BCL7A: variants seen among roughly 807,000 people sequenced by gnomAD.
BCL7A encodes the protein BAF chromatin remodeling complex subunit BCL7A.
BCL7A carries 11 observed loss-of-function variants against 28.4 expected under a neutral mutation model. The observed-to-expected ratio is 0.39, with a 90% confidence interval of 0.24 to 0.64. The LOEUF is 0.64. Among genes scored for constraint, BCL7A ranks in the 30% least tolerant of loss-of-function variants. The pLI is 0.50. For missense variants in BCL7A, 222 were observed against 274.8 expected (o/e 0.81, Z 1.36); for synonymous variants, 123 against 103.3 (o/e 1.19, Z -1.15).
intron 5 of BCL7A, among the ~76,000 whole-genome samples, chr12:122,058,687 A>G (rs1951895067): frequency 6.6e-6 from 1 of 152,180 alleles, no homozygotes; most frequent in African/African-American, 2.4e-5. Flanking sequence ...TGGAAAGGTG[A>G]ACTTGAAACA....
At chr12:122,058,299 G>C (rs1432481397) in intron 5 of BCL7A, among the ~76,000 whole-genome samples, 2 of 152,230 alleles carry the variant, frequency 1.3e-5, no homozygotes, top group Admixed American at 1.3e-4. Context: ...GAGGTCAGGA[G>C]TTTGAGACCA....
chr12:122,059,501 A>G lies in BCL7A; in HGVS notation c.*338A>G, dbSNP rs1257635563. On this transcript the variant is annotated 3_prime_UTR_variant, in exon 6 of 6. Coordinates refer to ENST00000261822, the MANE Select transcript of BCL7A (RefSeq NM_001024808.3). This position sits in a 1 kb window ranked among gnomAD's most constrained non-coding sequence, Gnocchi z 4.0. ...ACTTCTCTATGTAACGATATAAGCT[A>G]TCGGAGGGTGGTACCGATCAGGAAC... 1 of 294,144 alleles carries G rather than the reference A, an allele frequency of 3.4e-6. No homozygotes were observed. Among genetic ancestry groups the G allele is most frequent in the Middle Eastern group, 9.7e-4 (1 of 1,030 alleles). The allele number at this position is 294,144 out of a possible 1,614,324, so 18.2% of individuals were successfully genotyped here. A position where few individuals can be genotyped will look rare whatever the true frequency, so the allele number is the denominator to read the frequency against.
At chr12:122,024,956 CT>C (rs1377559226) in intron 1 of BCL7A, among the ~76,000 whole-genome samples, 1 of 151,168 alleles carries the variant, frequency 6.6e-6, no homozygotes, top group African/African-American at 2.4e-5. Flanking sequence ...CCACTGTCCC[CT>C]GATGCTTCCC....
Position 122,021,931 on chromosome 12 carries a change from T to C in BCL7A, c.-161T>C, listed in dbSNP as rs1323745008. On this transcript the variant is annotated 5_prime_UTR_variant, in exon 1 of 6. The change abolishes an upstream ATG in the 5' untranslated region. Transcript: ENST00000261822. ...GCCCCGGGCTTTGTGTGTGTGTGTA[T>C]GTGTGTGTGTGTGTGTGTGTGTGTG... is the stretch of plus-strand genomic sequence containing the variant. 1.2e-5 allele frequency: 5 copies of C among 411,556 alleles called. No homozygotes were observed. Among genetic ancestry groups the C allele is most frequent in the Non-Finnish European group, 2.2e-5 (5 of 226,966 alleles). 25.5% of individuals were successfully genotyped at this position (411,556 alleles called of 1,614,324 possible).
At position 122,050,301 on chromosome 12, in the gene BCL7A, G is replaced by C. The variant is rs531930931; in HGVS notation, c.440-4504G>C. Among the ~76,000 whole-genome samples, 19 of 123,572 alleles carry C rather than the reference G, an allele frequency of 1.5e-4. 1 individual carries two copies. In the South Asian group the frequency reaches 4.4e-3, roughly 29 times the overall value. 81.1% of individuals were successfully genotyped at this position (123,572 alleles called of 152,430 possible). A position where few individuals can be genotyped will look rare whatever the true frequency, so the allele number is the denominator to read the frequency against. ...AGTCTTGGATCCTTCTTTATTGTGG[G>C]GGGGGGGCCATCCTGTGCATTGTGG... On this transcript the variant is annotated intron_variant, in intron 4 of 5. Coordinates refer to ENST00000261822, the MANE Select transcript of BCL7A (RefSeq NM_001024808.3).
At chr12:122,023,989 G>C (rs529714853) in intron 1 of BCL7A, among the ~76,000 whole-genome samples, 1 of 152,308 alleles carries the variant, frequency 6.6e-6, no homozygotes, top group African/African-American at 2.4e-5. Flanking sequence ...CTGGACAGAG[G>C]CTCCTGCACC....
At position 122,059,692 on chromosome 12, in the gene BCL7A, C is replaced by T. The variant is rs983614090; in HGVS notation, c.*529C>T. 75 of 232,926 alleles carry T rather than the reference C, an allele frequency of 3.2e-4. No homozygotes were observed. The highest frequency in any genetic ancestry group is 1.3e-3 in the Middle Eastern group (1 of 784). 14.4% of individuals were successfully genotyped at this position (232,926 alleles called of 1,614,324 possible). A position where few individuals can be genotyped will look rare whatever the true frequency, so the allele number is the denominator to read the frequency against. On this transcript the variant is annotated 3_prime_UTR_variant, in exon 6 of 6. Transcript: ENST00000261822. The surrounding 1 kb of genome is among the most constrained non-coding windows in gnomAD (Gnocchi z 4.0). ...GGGCGGCGGCTGCCACCCTACTCAC[C>T]GCTCTCCTCCCTGCCCCAGGACTTC...
chr12:122,040,096 G>A (rs186294180), intron 3 of BCL7A, among the ~76,000 whole-genome samples: 2 of 152,288 alleles, frequency 1.3e-5, no homozygotes, highest in Non-Finnish European at 2.9e-5. Flanking sequence ...TTACATCATT[G>A]CCTCATTTGA....
At chr12:122,024,028 C>G (rs1883548946) in intron 1 of BCL7A, among the ~76,000 whole-genome samples, 2 of 152,226 alleles carry the variant, frequency 1.3e-5, no homozygotes, top group Admixed American at 1.3e-4. Context: ...GAGCGGCCAG[C>G]TGCTCTGCAG....
chr12:122,030,837 C>A, intron 2 of BCL7A, 56 bp downstream of exon 2: 2 of 1,528,846 alleles, frequency 1.3e-6, no homozygotes, highest in Non-Finnish European at 9.1e-7. Flanking sequence ...CTCCTCCCAC[C>A]ATGGGGAGGG....
At chr12:122,027,925 G>T (rs10840641) in intron 1 of BCL7A, among the ~76,000 whole-genome samples, 59,972 of 152,038 alleles carry the variant, frequency 0.39, 13,152 homozygotes, top group Non-Finnish European at 0.51. Flanking sequence ...CTTTTTTGGG[G>T]AGGGGTATGT....
At chr12:122,045,064 GT>G (rs1259883145) in intron 4 of BCL7A, among the ~76,000 whole-genome samples, 4 of 152,130 alleles carry the variant, frequency 2.6e-5, no homozygotes, top group African/African-American at 9.6e-5. Context: ...GTGGGCAGAG[GT>G]AAGAGTGAGT....
chr12:122,050,945 G>C (rs1179062385), intron 4 of BCL7A, among the ~76,000 whole-genome samples: 1 of 152,186 alleles, frequency 6.6e-6, no homozygotes, highest in Non-Finnish European at 1.5e-5. Flanking sequence ...TCTGTCGGGG[G>C]AGCGATTGCG....
chr12:122,022,405 T>C (rs2135833099), intron 1 of BCL7A, among the ~76,000 whole-genome samples: 1 of 142,024 alleles, frequency 7.0e-6, no homozygotes, highest in East Asian at 2.2e-4. Context: ...CTCGCGCCTG[T>C]AGCCCACCTG....
chr12:122,039,158 G>C (rs373626182), intron 3 of BCL7A, among the ~76,000 whole-genome samples: 1 of 151,724 alleles, frequency 6.6e-6, no homozygotes, highest in Admixed American at 6.6e-5. Context: ...TTAGCCAGGC[G>C]TGGTGGCTGG....
chr12:122,034,804 C>T (rs555542321), intron 2 of BCL7A, among the ~76,000 whole-genome samples: 40 of 152,078 alleles, frequency 2.6e-4, no homozygotes, highest in South Asian at 1.3e-3. Context: ...TCCTTTCTCC[C>T]GGGGTCCTCC....
chr12:122,058,401 G>A (rs560238957), intron 5 of BCL7A, among the ~76,000 whole-genome samples: 7 of 152,238 alleles, frequency 4.6e-5, no homozygotes, highest in African/African-American at 1.7e-4. Flanking sequence ...GTGTGCACCT[G>A]TAATCCCAGC....
intron 4 of BCL7A, among the ~76,000 whole-genome samples, chr12:122,052,371 T>A (rs2135858573): frequency 6.6e-6 from 1 of 152,326 alleles, no homozygotes; most frequent in South Asian, 2.1e-4. Context: ...CACATAAAAT[T>A]AACCAGGTTA....
At chr12:122,033,448 G>A (rs1883783556) in intron 2 of BCL7A, among the ~76,000 whole-genome samples, 1 of 152,152 alleles carries the variant, frequency 6.6e-6, no homozygotes, top group South Asian at 2.1e-4. Flanking sequence ...CAAGTAGATA[G>A]GACTACAGGC....
Sources: allele counts gnomAD v4.1 joint callset (sites outside exome capture counted in the v4.1 genomes callset), GRCh38; gene constraint gnomAD v4.1.1; non-coding constraint Gnocchi (gnomAD v3.1); transcripts MANE v1.5; gene names NCBI Gene and HGNC (gene_info 2026-07-23, HGNC 2026-07-21).